HMGB1: variants seen among roughly 807,000 people sequenced by gnomAD.
The protein encoded by HMGB1 is high mobility group protein B1.
For synonymous variants in HMGB1, 81 were observed against 84.0 expected (o/e 0.96, Z 0.19); for missense variants, 79 against 253.5 (o/e 0.31, Z 4.67).
chr13:30,561,845 A>C (rs1284110946), intron 1 of HMGB1, among the ~76,000 whole-genome samples: 1 of 152,186 alleles, frequency 6.6e-6, no homozygotes. Flanking sequence ...ATTTACTGAA[A>C]TGAGAGAGGA....
chr13:30,514,166 G>C (rs1407372226), intron 1 of HMGB1, among the ~76,000 whole-genome samples: 1 of 151,912 alleles, frequency 6.6e-6, no homozygotes, highest in Non-Finnish European at 1.5e-5. Flanking sequence ...CTATAAAATG[G>C]GAGTAACCGT....
At chr13:30,514,653 G>T (rs925825771) in intron 1 of HMGB1, among the ~76,000 whole-genome samples, 1 of 151,588 alleles carries the variant, frequency 6.6e-6, no homozygotes, top group Non-Finnish European at 1.5e-5. Context: ...TTGAGAGAGG[G>T]TCTGGCTGTG....
At chr13:30,587,192 C>A (rs1008212061) in intron 1 of HMGB1, among the ~76,000 whole-genome samples, 1 of 152,310 alleles carries the variant, frequency 6.6e-6, no homozygotes, top group East Asian at 1.9e-4. Context: ...AAATCATAAT[C>A]TCACAACTTT....
At chr13:30,526,537 C>CCAAA (rs55907044) in intron 1 of HMGB1, among the ~76,000 whole-genome samples, 81,296 of 151,432 alleles carry the variant, frequency 0.54, 22,125 homozygotes, top group Non-Finnish European at 0.58. Flanking sequence ...GATTCTTCAT[C>CCAAA]CAGAGAGATC....
chr13:30,580,680 G>A (rs958763168), intron 1 of HMGB1, among the ~76,000 whole-genome samples: 6 of 152,078 alleles, frequency 3.9e-5, no homozygotes, highest in Admixed American at 6.5e-5. Context: ...AAGGATATTC[G>A]CAGGAGACAA....
At chr13:30,464,186 C>T (rs1490052162) in intron 1 of HMGB1, 3 of 985,244 alleles carry the variant, frequency 3.0e-6, no homozygotes, top group African/African-American at 3.5e-5. Context: ...TCAAAAAACA[C>T]CCTCTTTGCA....
chr13:30,495,833 G>C, intron 1 of HMGB1, among the ~76,000 whole-genome samples: 1 of 151,984 alleles, frequency 6.6e-6, no homozygotes, highest in South Asian at 2.1e-4. Flanking sequence ...GATAACTATC[G>C]GTCTTCTTTT....
chr13:30,495,207 C>T (rs1887582741), intron 1 of HMGB1, among the ~76,000 whole-genome samples: 1 of 152,188 alleles, frequency 6.6e-6, no homozygotes, highest in Non-Finnish European at 1.5e-5. Flanking sequence ...TCTCACGCAC[C>T]TTCTAGCTTG....
At chr13:30,482,953 A>AT (rs33960064) in intron 1 of HMGB1, among the ~76,000 whole-genome samples, 53,110 of 142,974 alleles carry the variant, frequency 0.37, 10,218 homozygotes, top group African/African-American at 0.49. Flanking sequence ...AACACCAGCT[A>AT]TTTTTTTTTT....
intron 1 of HMGB1, among the ~76,000 whole-genome samples, chr13:30,505,189 ATTG>A (rs958078319): frequency 7.0e-6 from 1 of 143,386 alleles, no homozygotes; most frequent in African/African-American, 2.6e-5. Flanking sequence ...TGTTGTTGTT[ATTG>A]TTTGAGACGG....
intron 1 of HMGB1, chr13:30,464,779 G>GTGTGTGTC (rs1886630551): frequency 4.0e-6 from 1 of 250,134 alleles, no homozygotes. Flanking sequence ...GTGTGTGTGT[G>GTGTGTGTC]TGTGTGTGTA....
intron 1 of HMGB1, among the ~76,000 whole-genome samples, chr13:30,616,490 T>TG (rs141508028): frequency 3.3e-5 from 5 of 152,192 alleles, no homozygotes; most frequent in African/African-American, 4.8e-5. Context: ...ATTCTAAAAA[T>TG]GGAAGTAGCA....
At position 30,547,178 on chromosome 13, in the gene HMGB1, G is replaced by A. The variant is rs542636896; in HGVS notation, c.-15+69493C>T. ...TTTGTCCAAGGTTTGCTTAGTTACA[G>A]TTTTAAGAAAATTTTATCATCTCTG... On this transcript the variant is annotated intron_variant, in intron 1 of 4. Coordinates refer to the HMGB1 transcript ENST00000405805. 3.3e-5 allele frequency among the ~76,000 whole-genome samples: 5 copies of A among 152,294 alleles called. No homozygotes were observed. In the South Asian group the frequency reaches 8.3e-4, roughly 25 times the overall value.
At chr13:30,604,747 T>G (rs1190197098) in intron 1 of HMGB1, among the ~76,000 whole-genome samples, 1 of 152,194 alleles carries the variant, frequency 6.6e-6, no homozygotes, top group Non-Finnish European at 1.5e-5. Context: ...AAGCTCTGCC[T>G]CCTGGGTTCA....
At chr13:30,478,929 C>T (rs1383539633) in intron 1 of HMGB1, among the ~76,000 whole-genome samples, 5 of 147,946 alleles carry the variant, frequency 3.4e-5, no homozygotes, top group African/African-American at 1.0e-4. Context: ...AGTGCAGTGG[C>T]GCGATCTCAG....
At chr13:30,547,797 A>T (rs933545961) in intron 1 of HMGB1, among the ~76,000 whole-genome samples, 6 of 152,080 alleles carry the variant, frequency 3.9e-5, no homozygotes, top group Non-Finnish European at 8.8e-5. Flanking sequence ...CACACTTGTG[A>T]TCCCAGCTGC....
At chr13:30,518,454 C>A (rs765695962) in intron 1 of HMGB1, among the ~76,000 whole-genome samples, 2 of 152,320 alleles carry the variant, frequency 1.3e-5, no homozygotes, top group East Asian at 1.9e-4. Context: ...GGCAGAACAT[C>A]GAGGGCATGA....
intron 1 of HMGB1, among the ~76,000 whole-genome samples, chr13:30,564,208 G>A (rs746680225): frequency 2.0e-4 from 30 of 150,830 alleles, no homozygotes; most frequent in South Asian, 4.2e-4. Flanking sequence ...CGCGGTGAGC[G>A]GATTGCTTGA....
At chr13:30,531,819 C>A (rs1888503113) in intron 1 of HMGB1, among the ~76,000 whole-genome samples, 1 of 151,484 alleles carries the variant, frequency 6.6e-6, no homozygotes, top group Non-Finnish European at 1.5e-5. Flanking sequence ...ATGGCTTGAA[C>A]CCAGGAGGTG....
Sources: gnomAD v4.1 joint callset for allele counts (sites outside exome capture counted in the v4.1 genomes callset) on GRCh38, gnomAD v4.1.1 for gene constraint, MANE v1.5 for transcripts, NCBI Gene and HGNC (gene_info 2026-07-23, HGNC 2026-07-21) for gene names.